The following MOK variants were observed in gnomAD, a reference collection of about 807,000 sequenced individuals.
MOK encodes the protein MOK protein kinase, also known as MAPK/MAK/MRK overlapping kinase.
A neutral mutation model predicts 54.2 loss-of-function variants in MOK; 59 were observed. The observed-to-expected ratio is 1.09, with a 90% confidence interval of 0.88 to 1.35. The LOEUF is 1.35. Among genes scored for constraint, MOK ranks in the 40% most tolerant of loss-of-function variants. The pLI is 0.00. For synonymous variants in MOK, 210 were observed against 202.7 expected (o/e 1.04, Z -0.31); for missense variants, 517 against 526.2 (o/e 0.98, Z 0.17).
intron 3 of MOK, 114 bp downstream of exon 3, chr14:102,265,709 G>A: frequency 1.3e-6 from 1 of 747,072 alleles, no homozygotes. Context: ...AGTAAAAATG[G>A]TTACTCTCTG....
intron 2 of MOK, among the ~76,000 whole-genome samples, chr14:102,274,273 G>A (rs1000266143): frequency 1.8e-4 from 17 of 95,544 alleles, no homozygotes; most frequent in African/African-American, 7.2e-4. Context: ...TTTTTTTTTT[G>A]AGACAGGTTC....
downstream of MOK, chr14:102,224,748 C>CA: frequency 2.2e-6 from 1 of 456,058 alleles, no homozygotes; most frequent in South Asian, 1.5e-5. Context: ...TCGAAGGCGC[C>CA]AGCAGGGACT....
intron 4 of MOK, among the ~76,000 whole-genome samples, chr14:102,255,560 T>A (rs1294624829): frequency 6.6e-6 from 1 of 152,016 alleles, no homozygotes; most frequent in South Asian, 2.1e-4. Context: ...GTTGGGGGTG[T>A]TACTGCTGGC....
chr14:102,298,193 G>C (rs1004102609), intron 1 of MOK, among the ~76,000 whole-genome samples: 1 of 152,240 alleles, frequency 6.6e-6, no homozygotes, highest in Non-Finnish European at 1.5e-5. Context: ...GTCTAACTAA[G>C]GGATTGTAAA....
rs1458457153 is a variant in MOK, at chr14:102,230,360, T to C, written c.982-703A>G. ...GCACCCACCTGGTTTTTATTTTTAA[T>C]GACTGAAAAAAAAATGTTTCATGGC... On this transcript the variant is annotated intron_variant, in intron 10 of 11. Coordinates refer to ENST00000361847, the MANE Select transcript of MOK (RefSeq NM_014226.3). The surrounding 1 kb of genome is among the most constrained non-coding windows in gnomAD (Gnocchi z 4.1). 6.6e-6 allele frequency: 1 copy of C among 152,058 alleles called. No individual in the cohort carries two copies. The highest frequency in any genetic ancestry group is 1.5e-5 in the Non-Finnish European group (1 of 68,014). 9.4% of individuals were successfully genotyped at this position (152,058 alleles called of 1,614,324 possible). A position where few individuals can be genotyped will look rare whatever the true frequency, so the allele number is the denominator to read the frequency against.
intron 1 of MOK, among the ~76,000 whole-genome samples, chr14:102,294,878 G>A (rs182974345): frequency 5.9e-5 from 9 of 152,278 alleles, no homozygotes; most frequent in Non-Finnish European, 8.8e-5. Context: ...AGCAATAAAT[G>A]GAACTTGCCG....
At chr14:102,217,959 G>T in the MOK span, among the ~76,000 whole-genome samples, 1 of 152,234 alleles carries the variant, frequency 6.6e-6, no homozygotes, top group Non-Finnish European at 1.5e-5. Context: ...AGCCTCAGGG[G>T]CTACGTGCAG....
At chr14:102,277,045 A>G (rs1449307706) in intron 2 of MOK, among the ~76,000 whole-genome samples, 1 of 149,432 alleles carries the variant, frequency 6.7e-6, no homozygotes, top group African/African-American at 2.5e-5. Context: ...AGAGGAAAAA[A>G]AAAGATACTA....
intron 1 of MOK, among the ~76,000 whole-genome samples, chr14:102,296,245 C>CAAAA (rs35588317): frequency 1.6e-5 from 1 of 61,656 alleles, no homozygotes; most frequent in Non-Finnish European, 3.4e-5. Context: ...GAGTACGTCT[C>CAAAA]AAAAAAAAAA....
At chr14:102,244,650 G>A (rs865986754) in intron 7 of MOK, among the ~76,000 whole-genome samples, 19 of 151,638 alleles carry the variant, frequency 1.3e-4, no homozygotes, top group Admixed American at 2.6e-4. Context: ...ACTAAAATAC[G>A]TCTCGGTCTA....
chr14:102,278,676 C>T (rs1326582279), intron 2 of MOK: 7 of 455,310 alleles, frequency 1.5e-5, no homozygotes, highest in Non-Finnish European at 2.6e-5. Flanking sequence ...TTGATCTCTC[C>T]GAATTTCAAT....
rs146659957 is a variant in MOK, at chr14:102,251,489, G to A, written c.411+267C>T. The A allele has an allele frequency of 5.6e-4, 302 of 538,138 alleles. 3 individuals are homozygous for A. The highest frequency in any genetic ancestry group is 5.0e-3 in the African/African-American group (264 of 53,294). 33.3% of individuals were successfully genotyped at this position (538,138 alleles called of 1,614,324 possible). Reference sequence around the variant, plus strand: ...TGCCACATTTCCCTCTAGAAGGTTTGAACGGCCGTCTGAATAGGGTTCATT... The same window carrying A: ...TGCCACATTTCCCTCTAGAAGGTTTAAACGGCCGTCTGAATAGGGTTCATT... On this transcript the variant is annotated intron_variant, in intron 6 of 11. Transcript: ENST00000361847.
intron 4 of MOK, among the ~76,000 whole-genome samples, chr14:102,258,946 A>G (rs1385439738): frequency 6.6e-6 from 1 of 151,936 alleles, no homozygotes; most frequent in African/African-American, 2.4e-5. Flanking sequence ...GGCACCTGTA[A>G]TCCCAGCTAC....
At chr14:102,301,394 C>A (rs2072181848) in intron 1 of MOK, among the ~76,000 whole-genome samples, 1 of 152,168 alleles carries the variant, frequency 6.6e-6, no homozygotes, top group Non-Finnish European at 1.5e-5. Context: ...TCTACTGTTG[C>A]AAACGATGCC....
At chr14:102,275,884 A>G (rs534089651) in intron 2 of MOK, among the ~76,000 whole-genome samples, 54 of 152,306 alleles carry the variant, frequency 3.5e-4, no homozygotes, top group African/African-American at 1.2e-3. Flanking sequence ...ATTCAATAAA[A>G]AGGCAAACAG....
chr14:102,219,503 G>A (rs981267789), downstream of MOK, among the ~76,000 whole-genome samples: 7 of 152,258 alleles, frequency 4.6e-5, no homozygotes, highest in African/African-American at 1.7e-4. Flanking sequence ...ACTGTCTCCT[G>A]GGGCTTGCTG....
chr14:102,302,897 C>A (rs910028401), intron 1 of MOK, among the ~76,000 whole-genome samples: 2 of 151,256 alleles, frequency 1.3e-5, no homozygotes, highest in Admixed American at 6.6e-5. Flanking sequence ...CACAGTGGCT[C>A]GCGTCTGTAA....
At chr14:102,282,109 T>C (rs77646643) in intron 2 of MOK, among the ~76,000 whole-genome samples, 6,343 of 152,244 alleles carry the variant, frequency 0.042, 147 homozygotes, top group Middle Eastern at 0.065. Context: ...GTCATGAGGA[T>C]GAAATTACTG....
rs189581252 is a variant in MOK at position 102,273,703 on chromosome 14, T to A, written c.123-7791A>T. 5.8e-4 allele frequency among the ~76,000 whole-genome samples: 88 copies of A among 151,966 alleles called. 1 individual carries two copies. The highest frequency in any genetic ancestry group is 2.0e-4 in the Admixed American group (3 of 15,258). On this transcript the variant is annotated intron_variant, in intron 2 of 11. Coordinates refer to ENST00000361847, the MANE Select transcript of MOK (RefSeq NM_014226.3). ...CTGAGGCAGGAGAATCTCTAGAACC[T>A]GTGAACCCGGAAGGCAGAGGTTGCA...
Sources: gnomAD v4.1 joint callset for allele counts (sites outside exome capture counted in the v4.1 genomes callset) on GRCh38, gnomAD v4.1.1 for gene constraint, Gnocchi (gnomAD v3.1) non-coding constraint, MANE v1.5 for transcripts, NCBI Gene and HGNC (gene_info 2026-07-23, HGNC 2026-07-21) for gene names.